ANO3: variants seen among roughly 807,000 people sequenced by gnomAD.
ANO3 encodes anoctamin 3.
A neutral mutation model predicts 144.8 loss-of-function variants in ANO3; 99 were observed. The ratio of observed to expected loss-of-function variants is 0.68; its 90% confidence interval spans 0.58 to 0.81. The LOEUF is 0.81. Among genes scored for constraint, ANO3 ranks in the 30% least tolerant of loss-of-function variants. ANO3 has a pLI of 0.00. For missense variants in ANO3, 905 were observed against 1,202.2 expected (o/e 0.75, Z 3.66); for synonymous variants, 414 against 392.6 (o/e 1.05, Z -0.64).
intron 14 of ANO3, among the ~76,000 whole-genome samples, chr11:26,583,118 A>G (rs867584363): frequency 1.3e-5 from 2 of 152,320 alleles, no homozygotes; most frequent in Middle Eastern, 3.4e-3. Context: ...AGTGACCACA[A>G]GAGTTACCTT....
chr11:26,383,818 AAAT>A (rs1372280786), intron 1 of ANO3, among the ~76,000 whole-genome samples: 4 of 151,956 alleles, frequency 2.6e-5, no homozygotes, highest in Non-Finnish European at 5.9e-5. Flanking sequence ...AAAATACAAA[AAAT>A]AATGATAGGA....
At chr11:26,634,935 C>A in intron 19 of ANO3, 78 bp from the exon 20 acceptor site, 1 of 1,157,360 alleles carries the variant, frequency 8.6e-7, no homozygotes. Context: ...CCCACACATG[C>A]ACTCGTTGTG....
chr11:26,407,481 G>A (rs888565230), intron 1 of ANO3, among the ~76,000 whole-genome samples: 1 of 151,592 alleles, frequency 6.6e-6, no homozygotes, highest in African/African-American at 2.4e-5. Context: ...CTCATGGCTT[G>A]TGAATTCTAA....
intron 1 of ANO3, among the ~76,000 whole-genome samples, chr11:26,281,201 C>G (rs1233564192): frequency 6.6e-6 from 1 of 152,106 alleles, no homozygotes; most frequent in Non-Finnish European, 1.5e-5. Flanking sequence ...CAAGATCATA[C>G]AGATCATAAA....
intron 1 of ANO3, among the ~76,000 whole-genome samples, chr11:26,339,555 T>C (rs749327824): frequency 6.6e-6 from 1 of 152,194 alleles, no homozygotes; most frequent in Non-Finnish European, 1.5e-5. Context: ...AGCATTTCAC[T>C]CCTGTCTAAT....
At chr11:26,614,632 C>G (rs941816908) in intron 17 of ANO3, among the ~76,000 whole-genome samples, 3 of 152,024 alleles carry the variant, frequency 2.0e-5, no homozygotes, top group African/African-American at 7.2e-5. Flanking sequence ...GGATTTGAGG[C>G]CTGTGGGGAT....
At chr11:26,469,542 A>G (rs969584317) in intron 4 of ANO3, among the ~76,000 whole-genome samples, 5 of 152,000 alleles carry the variant, frequency 3.3e-5, no homozygotes, top group African/African-American at 9.7e-5. Context: ...GAATATATTG[A>G]AAACAAAGCA....
chr11:26,504,549 G>A (rs10767543), intron 4 of ANO3, among the ~76,000 whole-genome samples: 91,083 of 151,968 alleles, frequency 0.6, 27,986 homozygotes, highest in East Asian at 0.68. Context: ...ACTATATTAT[G>A]TATTAGAAGG....
chr11:26,482,075 T>A (rs148510966), intron 4 of ANO3, among the ~76,000 whole-genome samples: 129 of 151,958 alleles, frequency 8.5e-4, no homozygotes, highest in African/African-American at 3.0e-3. Context: ...TTTTTAATCT[T>A]CTCTTAGAGA....
At chr11:26,440,680 C>T (rs1858480166) in intron 1 of ANO3, among the ~76,000 whole-genome samples, 1 of 152,064 alleles carries the variant, frequency 6.6e-6, no homozygotes, top group Non-Finnish European at 1.5e-5. Flanking sequence ...GCAAGAGAAG[C>T]AGTGTCACTG....
At chr11:26,642,607 T>A (rs1339748596) in intron 22 of ANO3, among the ~76,000 whole-genome samples, 1 of 152,104 alleles carries the variant, frequency 6.6e-6, no homozygotes, top group Non-Finnish European at 1.5e-5. Flanking sequence ...CACCTTGGCC[T>A]CCCAAAGTGC....
chr11:26,229,245 G>C (rs1015462761), intron 1 of ANO3, among the ~76,000 whole-genome samples: 5 of 152,132 alleles, frequency 3.3e-5, no homozygotes, highest in African/African-American at 1.2e-4. Flanking sequence ...TATTTTAAGT[G>C]TTTGCAAAAC....
intron 1 of ANO3, among the ~76,000 whole-genome samples, chr11:26,372,701 T>C (rs1856295541): frequency 6.6e-6 from 1 of 152,192 alleles, no homozygotes; most frequent in Non-Finnish European, 1.5e-5. Context: ...GAAGTTAGTA[T>C]TCTGGTGGCA....
chr11:26,508,882 A>G (rs1861538504), intron 5 of ANO3: 1 of 151,948 alleles, frequency 6.6e-6, no homozygotes, highest in Non-Finnish European at 1.5e-5. Context: ...TAGAAAATTA[A>G]AAGTATAGAA....
intron 1 of ANO3, among the ~76,000 whole-genome samples, chr11:26,334,437 T>C (rs764174167): frequency 6.6e-6 from 1 of 152,190 alleles, no homozygotes; most frequent in Non-Finnish European, 1.5e-5. Flanking sequence ...CAACAAAACA[T>C]TCAGATGTGC....
chr11:26,624,289 T>A (rs1427008336), intron 17 of ANO3, among the ~76,000 whole-genome samples, 173 bp from the exon 18 acceptor site: 1 of 152,246 alleles, frequency 6.6e-6, no homozygotes, highest in Non-Finnish European at 1.5e-5. Context: ...ATCAATTTCA[T>A]TCATGTATGT....
chr11:26,238,883 A>C (rs12285591), intron 1 of ANO3, among the ~76,000 whole-genome samples: 2 of 151,982 alleles, frequency 1.3e-5, no homozygotes, highest in African/African-American at 4.8e-5. Context: ...AGCTGTTTCA[A>C]ATCATTATTC....
chr11:26,532,029 T>G (rs1164764121), intron 8 of ANO3, among the ~76,000 whole-genome samples: 2 of 152,102 alleles, frequency 1.3e-5, no homozygotes, highest in East Asian at 3.9e-4. Context: ...GGAAAAGGCG[T>G]GATGTATTGA....
At chr11:26,241,250 C>T (rs1490846414) in intron 1 of ANO3, among the ~76,000 whole-genome samples, 1 of 152,118 alleles carries the variant, frequency 6.6e-6, no homozygotes, top group Non-Finnish European at 1.5e-5. Flanking sequence ...TCTTTTTCTT[C>T]CCAGTCTCGG....
Sources: allele counts gnomAD v4.1 joint callset (sites outside exome capture counted in the v4.1 genomes callset), GRCh38; gene constraint gnomAD v4.1.1; transcripts MANE v1.5; gene names NCBI Gene and HGNC (gene_info 2026-07-23, HGNC 2026-07-21).